Variants in ASNS observed in about 807,000 individuals in gnomAD.
The protein encoded by ASNS is asparagine synthetase (glutamine-hydrolyzing).
In ASNS, 37 loss-of-function variants were observed where a neutral mutation model predicts 62.6. That is an observed-to-expected ratio of 0.59 (90% confidence interval 0.45 to 0.78). The LOEUF is 0.78. ASNS is among the 30% of genes least tolerant of loss of function. ASNS has a pLI of 0.00. For missense variants in ASNS, 520 were observed against 682.4 expected (o/e 0.76, Z 2.65); for synonymous variants, 207 against 237.9 (o/e 0.87, Z 1.19).
At chr7:97,884,587 A>G in the ASNS span, among the ~76,000 whole-genome samples, 6 of 152,078 alleles carry the variant, frequency 3.9e-5, no homozygotes, top group African/African-American at 1.4e-4. Flanking sequence ...ATGCCTATCA[A>G]CCTCAGGGAC....
At chr7:97,917,887 C>T in the ASNS span, among the ~76,000 whole-genome samples, 4 of 152,386 alleles carry the variant, frequency 2.6e-5, no homozygotes, top group South Asian at 8.3e-4. Context: ...CAACAGTGAT[C>T]TCACTGAACC....
At chr7:97,894,480 CAAAAAAAAA>C in the ASNS span, among the ~76,000 whole-genome samples, 888 of 36,336 alleles carry the variant, frequency 0.024, no homozygotes, top group South Asian at 0.053. Flanking sequence ...TGAGGCTAAC[CAAAAAAAAA>C]AAAAAAAAAA....
At chr7:97,870,983 T>C (rs985138790) in intron 1 of ASNS, among the ~76,000 whole-genome samples, 1 of 152,230 alleles carries the variant, frequency 6.6e-6, no homozygotes. Context: ...AAGTTCCTAC[T>C]GCCGCTACCT....
intron 9 of ASNS, chr7:97,854,935 G>GAA (rs1039371002): frequency 5.8e-6 from 3 of 520,984 alleles, no homozygotes; most frequent in Non-Finnish European, 9.7e-6. Flanking sequence ...GGCAGAAAGG[G>GAA]GATTCTCAAG....
At chr7:97,896,709 TATACACAC>T in the ASNS span, among the ~76,000 whole-genome samples, 1 of 36,684 alleles carries the variant, frequency 2.7e-5, no homozygotes, top group Non-Finnish European at 5.5e-5. Flanking sequence ...TGTGTATATA[TATACACAC>T]ACACACACAC....
chr7:97,894,326 C>T, the ASNS span, among the ~76,000 whole-genome samples: 1 of 151,372 alleles, frequency 6.6e-6, no homozygotes, highest in Admixed American at 6.6e-5. Flanking sequence ...AATGCAAGAA[C>T]AAATCAAACA....
chr7:97,919,523 A>G, the ASNS span, among the ~76,000 whole-genome samples: 1 of 152,256 alleles, frequency 6.6e-6, no homozygotes, highest in Non-Finnish European at 1.5e-5. Context: ...GAGTCAAAAA[A>G]GAAAAACATG....
the ASNS span, among the ~76,000 whole-genome samples, chr7:97,895,662 G>A: frequency 6.6e-6 from 1 of 152,054 alleles, no homozygotes; most frequent in African/African-American, 2.4e-5. Context: ...ATGGTGGTAG[G>A]TGCCTGTAAT....
At chr7:97,921,792 CAGG>C in the ASNS span, among the ~76,000 whole-genome samples, 1 of 152,184 alleles carries the variant, frequency 6.6e-6, no homozygotes, top group Non-Finnish European at 1.5e-5. Flanking sequence ...TTTGCAAGAC[CAGG>C]AGCATCCTGC....
chr7:97,896,709 TATACACACAC>T, the ASNS span, among the ~76,000 whole-genome samples: 1 of 36,680 alleles, frequency 2.7e-5, no homozygotes, highest in South Asian at 1.2e-3. Context: ...TGTGTATATA[TATACACACAC>T]ACACACACAC....
upstream of ASNS, among the ~76,000 whole-genome samples, chr7:97,877,318 C>G (rs1454643870): frequency 1.3e-5 from 2 of 152,104 alleles, no homozygotes; most frequent in African/African-American, 2.4e-5. Flanking sequence ...TGGTCTCGAT[C>G]TCCTGATATT....
At chr7:97,852,542 A>G (rs1184654651) in intron 12 of ASNS, 74 bp from the exon 13 acceptor site, 1 of 1,423,564 alleles carries the variant, frequency 7.0e-7, no homozygotes. Flanking sequence ...TCATTTCACG[A>G]AACAGAAAAT....
At chr7:97,909,643 C>T in the ASNS span, among the ~76,000 whole-genome samples, 1 of 152,174 alleles carries the variant, frequency 6.6e-6, no homozygotes, top group South Asian at 2.1e-4. Context: ...TCTGATCATA[C>T]CCACTCCGCA....
At chr7:97,852,665 G>A (rs1411220622) in intron 12 of ASNS, among the ~76,000 whole-genome samples, 197 bp from the exon 13 acceptor site, 3 of 152,162 alleles carry the variant, frequency 2.0e-5, no homozygotes, top group African/African-American at 7.2e-5. Flanking sequence ...ACACTCATAT[G>A]CATATTTTTA....
the ASNS span, among the ~76,000 whole-genome samples, chr7:97,914,173 TG>T: frequency 6.6e-6 from 1 of 150,564 alleles, no homozygotes; most frequent in Non-Finnish European, 1.5e-5. Context: ...GATGGATGGA[TG>T]GATGGATGGA....
the ASNS span, among the ~76,000 whole-genome samples, chr7:97,924,457 T>C: frequency 1.3e-5 from 2 of 152,232 alleles, no homozygotes; most frequent in Non-Finnish European, 1.5e-5. Flanking sequence ...GGGAAATATC[T>C]ATATCTCGGC....
the ASNS span, among the ~76,000 whole-genome samples, chr7:97,925,216 C>A: frequency 6.6e-6 from 1 of 152,250 alleles, no homozygotes; most frequent in Non-Finnish European, 1.5e-5. Flanking sequence ...TCCCATATAA[C>A]CTTCCTATGA....
the ASNS span, among the ~76,000 whole-genome samples, chr7:97,910,472 A>G: frequency 5.3e-5 from 8 of 152,252 alleles, no homozygotes; most frequent in South Asian, 1.5e-3. Context: ...CTTTATTGGG[A>G]TCAGAGCCAG....
At chr7:97,880,126 T>C in the ASNS span, among the ~76,000 whole-genome samples, 1 of 102,260 alleles carries the variant, frequency 9.8e-6, no homozygotes, top group Non-Finnish European at 1.8e-5. Flanking sequence ...GGAAGGATCA[T>C]CTCTGTCTTT....
Sources: gnomAD v4.1 joint callset for allele counts (sites outside exome capture counted in the v4.1 genomes callset) on GRCh38, gnomAD v4.1.1 for gene constraint, MANE v1.5 for transcripts, NCBI Gene and HGNC (gene_info 2026-07-23, HGNC 2026-07-21) for gene names.